Variants in AGBL4 observed in about 807,000 individuals in gnomAD.
The protein encoded by AGBL4 is cytosolic carboxypeptidase 6.
AGBL4 carries 58 observed loss-of-function variants against 66.4 expected under a neutral mutation model. The ratio of observed to expected loss-of-function variants is 0.87; its 90% CI spans 0.71 to 1.09. The LOEUF is 1.09. AGBL4 is among the 50% of genes least tolerant of loss of function. The pLI, the probability that AGBL4 is intolerant of heterozygous loss-of-function variation, is 0.00. For missense variants in AGBL4, 579 were observed against 631.0 expected (o/e 0.92, Z 0.88); for synonymous variants, 234 against 222.9 (o/e 1.05, Z -0.44).
intron 4 of AGBL4, among the ~76,000 whole-genome samples, chr1:49,129,890 C>A (rs1194313016): frequency 6.6e-6 from 1 of 152,232 alleles, no homozygotes; most frequent in Non-Finnish European, 1.5e-5. Flanking sequence ...AATCGCCACA[C>A]TGACCTCCAC....
chr1:49,423,890 G>C (rs965709283), intron 3 of AGBL4, among the ~76,000 whole-genome samples: 6 of 151,118 alleles, frequency 4.0e-5, no homozygotes, highest in African/African-American at 9.7e-5. Flanking sequence ...ACACAGCCGA[G>C]CTCCCCAGCT....
chr1:49,885,182 T>C (rs973999851), intron 1 of AGBL4, among the ~76,000 whole-genome samples: 12 of 151,994 alleles, frequency 7.9e-5, no homozygotes, highest in African/African-American at 2.7e-4. Flanking sequence ...ATTACCTCTA[T>C]GTATAAGTGA....
At chr1:48,855,832 C>T (rs1197703725) in intron 6 of AGBL4, among the ~76,000 whole-genome samples, 3 of 151,910 alleles carry the variant, frequency 2.0e-5, no homozygotes, top group Non-Finnish European at 4.4e-5. Context: ...TTAAAATGCT[C>T]ATAGATCTGG....
chr1:49,860,385 T>C (rs1315068638), intron 1 of AGBL4, among the ~76,000 whole-genome samples: 1 of 152,246 alleles, frequency 6.6e-6, no homozygotes, highest in East Asian at 1.9e-4. Flanking sequence ...GAAGAAAATA[T>C]TTACTAATTG....
intron 1 of AGBL4, among the ~76,000 whole-genome samples, chr1:49,927,717 C>T (rs764648156): frequency 2.0e-5 from 3 of 151,354 alleles, no homozygotes; most frequent in African/African-American, 4.9e-5. Context: ...AGCACATCTA[C>T]GAGATCTAGA....
chr1:49,877,813 A>C (rs1249324167), intron 1 of AGBL4, among the ~76,000 whole-genome samples: 1 of 151,244 alleles, frequency 6.6e-6, no homozygotes. Context: ...TTGGTAAACT[A>C]TTGATTATTG....
At chr1:48,694,861 C>T (rs963602689) in intron 6 of AGBL4, among the ~76,000 whole-genome samples, 2 of 152,084 alleles carry the variant, frequency 1.3e-5, no homozygotes, top group African/African-American at 4.8e-5. Flanking sequence ...TTTGAATTCC[C>T]ACAGCAGCCT....
At chr1:48,664,209 G>C (rs1348808846) in intron 6 of AGBL4, among the ~76,000 whole-genome samples, 1 of 152,130 alleles carries the variant, frequency 6.6e-6, no homozygotes, top group Non-Finnish European at 1.5e-5. Flanking sequence ...CTCCAGAGAG[G>C]GGGAAGCACT....
intron 1 of AGBL4, among the ~76,000 whole-genome samples, chr1:49,975,196 T>A (rs1571992928): frequency 6.6e-6 from 1 of 152,310 alleles, no homozygotes; most frequent in Non-Finnish European, 1.5e-5. Flanking sequence ...TAAGAACACC[T>A]TTTACATTGC....
intron 2 of AGBL4, among the ~76,000 whole-genome samples, chr1:49,717,949 G>A (rs1450813451): frequency 2.0e-5 from 3 of 152,062 alleles, no homozygotes; most frequent in Non-Finnish European, 4.4e-5. Context: ...TGAAGCTAAC[G>A]ATCAAGCTGG....
intron 3 of AGBL4, among the ~76,000 whole-genome samples, chr1:49,604,882 A>G (rs1417742626): frequency 6.6e-6 from 1 of 152,168 alleles, no homozygotes; most frequent in Non-Finnish European, 1.5e-5. Flanking sequence ...AAAGATTATC[A>G]TATATTTTTC....
rs568343552 is a variant in AGBL4, at chr1:48,729,369, T to C, written c.635-66128A>G. 2.0e-5 allele frequency among the ~76,000 whole-genome samples: 3 copies of C among 152,290 alleles called. No individual in the cohort carries two copies. In the South Asian group the frequency reaches 6.2e-4, roughly 32 times the overall value. On this transcript the variant is annotated intron_variant, in intron 6 of 13. Transcript: ENST00000371839. The stretch of plus-strand genomic sequence containing the variant: ...AGGACTAGGGCGTGGGTGGTGAATG[T>C]ACCACGGGAATGTGTAATAATGGGC...
At chr1:49,961,340 C>T (rs1657104385) in intron 1 of AGBL4, among the ~76,000 whole-genome samples, 1 of 151,802 alleles carries the variant, frequency 6.6e-6, no homozygotes, top group African/African-American at 2.4e-5. Flanking sequence ...GAGACACCAT[C>T]TCTACAAAAA....
intron 5 of AGBL4, among the ~76,000 whole-genome samples, chr1:49,023,054 G>A (rs1663368991): frequency 6.6e-6 from 1 of 152,136 alleles, no homozygotes; most frequent in African/African-American, 2.4e-5. Flanking sequence ...CATAGTAAAA[G>A]GGTTACAACA....
intron 8 of AGBL4, among the ~76,000 whole-genome samples, chr1:48,638,488 A>T (rs899742472): frequency 6.6e-6 from 1 of 152,240 alleles, no homozygotes; most frequent in Non-Finnish European, 1.5e-5. Context: ...AGAAACACAT[A>T]AACATTGAAC....
intron 3 of AGBL4, among the ~76,000 whole-genome samples, chr1:49,519,334 A>G (rs1159470529): frequency 6.6e-6 from 1 of 152,052 alleles, no homozygotes; most frequent in Non-Finnish European, 1.5e-5. Context: ...CATCTGGAAA[A>G]GCTTTTCTTT....
intron 3 of AGBL4, among the ~76,000 whole-genome samples, chr1:49,579,107 G>T (rs1571092990): frequency 6.6e-6 from 1 of 152,160 alleles, no homozygotes; most frequent in Non-Finnish European, 1.5e-5. Flanking sequence ...TGGACTCCAG[G>T]TTCTTCAGTT....
At chr1:48,578,515 G>A (rs1644688316) in intron 11 of AGBL4, among the ~76,000 whole-genome samples, 1 of 152,164 alleles carries the variant, frequency 6.6e-6, no homozygotes, top group South Asian at 2.1e-4. Context: ...GAACTGAGAA[G>A]TACCTAGGTA....
chr1:49,858,179 C>A (rs184481907), intron 1 of AGBL4, among the ~76,000 whole-genome samples: 66 of 152,136 alleles, frequency 4.3e-4, no homozygotes, highest in Non-Finnish European at 7.5e-4. Context: ...CCATCTCACC[C>A]CAGCAGAATG....
Sources: gnomAD v4.1 joint callset for allele counts (sites outside exome capture counted in the v4.1 genomes callset) on GRCh38, gnomAD v4.1.1 for gene constraint, MANE v1.5 for transcripts, NCBI Gene and HGNC (gene_info 2026-07-23, HGNC 2026-07-21) for gene names.